CNTNAP2: variants seen among roughly 807,000 people sequenced by gnomAD.
The protein encoded by CNTNAP2 is contactin associated protein 2, also known as contactin-associated protein-like 2.
CNTNAP2 carries 98 observed loss-of-function variants against 155.2 expected under a neutral mutation model. That is an observed-to-expected ratio of 0.63 (90% CI 0.54 to 0.75). The LOEUF is 0.75. CNTNAP2 is among the 30% of genes least tolerant of loss of function. The probability of loss-of-function intolerance (pLI) is 0.00; values close to 1 mark genes in which losing one functional copy is unlikely to be tolerated. For synonymous variants in CNTNAP2, 651 were observed against 631.2 expected (o/e 1.03, Z -0.47); for missense variants, 1,727 against 1,688.1 (o/e 1.02, Z -0.40).
intron 1 of CNTNAP2, among the ~76,000 whole-genome samples, chr7:146,694,666 A>G (rs1800752685): frequency 6.6e-6 from 1 of 152,148 alleles, no homozygotes; most frequent in Non-Finnish European, 1.5e-5. Context: ...GATTGCATTC[A>G]GTCTATAGAT....
At chr7:146,399,726 A>T (rs552298844) in intron 1 of CNTNAP2, among the ~76,000 whole-genome samples, 22 of 152,142 alleles carry the variant, frequency 1.4e-4, no homozygotes, top group African/African-American at 5.1e-4. Context: ...TCTATTTTTA[A>T]TTTTTTATGA....
intron 13 of CNTNAP2, among the ~76,000 whole-genome samples, chr7:147,700,500 C>T (rs1796220674): frequency 6.6e-6 from 1 of 152,150 alleles, no homozygotes; most frequent in Non-Finnish European, 1.5e-5. Context: ...TTGTACTCAC[C>T]ATTTGCCACT....
At chr7:148,016,939 T>C (rs771168654) in intron 15 of CNTNAP2, among the ~76,000 whole-genome samples, 1 of 152,140 alleles carries the variant, frequency 6.6e-6, no homozygotes, top group Admixed American at 6.5e-5. Flanking sequence ...CCTCTCTCTC[T>C]AAAAATCTCA....
At position 148,247,642 on chromosome 7, in the gene CNTNAP2, TA is replaced by T. The variant is rs1796292925; in HGVS notation, c.3381+17864del. ...CTCTCTCTCTATTTATTTATTTATT[TA>T]TTTATTTATTTATTTATTTATTTTT... is the stretch of plus-strand genomic sequence containing the variant. On this transcript the variant is annotated intron_variant, in intron 20 of 23. Coordinates refer to ENST00000361727, the MANE Select transcript of CNTNAP2 (RefSeq NM_014141.6). Among the ~76,000 whole-genome samples the T allele has an allele frequency of 8.4e-5, 12 of 142,428 alleles. 1 individual carries two copies. Among genetic ancestry groups the T allele is most frequent in the African/African-American group, 3.4e-4 (12 of 35,250 alleles). 93.4% of individuals were successfully genotyped at this position (142,428 alleles called of 152,430 possible).
intron 8 of CNTNAP2, among the ~76,000 whole-genome samples, chr7:147,280,015 A>G (rs1318409677): frequency 1.3e-5 from 2 of 151,958 alleles, no homozygotes; most frequent in Non-Finnish European, 2.9e-5. Context: ...GTGATCTTAC[A>G]GTGACTTACA....
At chr7:147,222,480 A>G (rs1346717001) in intron 8 of CNTNAP2, among the ~76,000 whole-genome samples, 1 of 152,142 alleles carries the variant, frequency 6.6e-6, no homozygotes, top group African/African-American at 2.4e-5. Flanking sequence ...CTGTTCATGC[A>G]TGCTGTCACC....
At chr7:146,387,178 T>A (rs1210784442) in intron 1 of CNTNAP2, among the ~76,000 whole-genome samples, 1 of 152,230 alleles carries the variant, frequency 6.6e-6, no homozygotes, top group African/African-American at 2.4e-5. Flanking sequence ...AATGCCCATG[T>A]GTTTTTCTTA....
At chr7:147,975,063 T>C (rs1801404643) in intron 14 of CNTNAP2, among the ~76,000 whole-genome samples, 1 of 151,436 alleles carries the variant, frequency 6.6e-6, no homozygotes, top group African/African-American at 2.4e-5. Flanking sequence ...TAATACAATT[T>C]TTTGTATTAT....
intron 16 of CNTNAP2, among the ~76,000 whole-genome samples, chr7:148,144,931 C>A (rs1272925944): frequency 6.6e-6 from 1 of 152,114 alleles, no homozygotes; most frequent in Non-Finnish European, 1.5e-5. Context: ...CAAGAGCAAT[C>A]AGCCACAAAC....
chr7:148,412,093 C>G (rs1031632073), intron 23 of CNTNAP2, among the ~76,000 whole-genome samples: 2 of 141,268 alleles, frequency 1.4e-5, no homozygotes, highest in Admixed American at 1.4e-4. Flanking sequence ...CAGGCACGCA[C>G]CACCATGTCC....
At chr7:147,397,502 G>A (rs1796839046) in intron 10 of CNTNAP2, among the ~76,000 whole-genome samples, 1 of 151,822 alleles carries the variant, frequency 6.6e-6, no homozygotes, top group African/African-American at 2.4e-5. Context: ...AAAAGGGCTA[G>A]GTAATATGTT....
chr7:148,291,218 A>G (rs1039506195), intron 21 of CNTNAP2, among the ~76,000 whole-genome samples: 1 of 151,646 alleles, frequency 6.6e-6, no homozygotes, highest in Non-Finnish European at 1.5e-5. Flanking sequence ...AGTTCGCAGT[A>G]ATAAAAGAAG....
At chr7:148,255,032 G>A (rs898851171) in intron 20 of CNTNAP2, among the ~76,000 whole-genome samples, 2 of 152,080 alleles carry the variant, frequency 1.3e-5, no homozygotes, top group Non-Finnish European at 2.9e-5. Flanking sequence ...ATTATCTAAA[G>A]TACTCACTAT....
chr7:147,631,079 G>A (rs1247230687), intron 12 of CNTNAP2, among the ~76,000 whole-genome samples: 1 of 151,960 alleles, frequency 6.6e-6, no homozygotes, highest in Non-Finnish European at 1.5e-5. Context: ...AAACCCTAAA[G>A]ATTCATCCAA....
chr7:147,335,644 C>T (rs1478005079), intron 9 of CNTNAP2, among the ~76,000 whole-genome samples: 1 of 152,048 alleles, frequency 6.6e-6, no homozygotes, highest in Non-Finnish European at 1.5e-5. Context: ...GCGATCAAAG[C>T]CACCAAATGA....
intron 9 of CNTNAP2, among the ~76,000 whole-genome samples, chr7:147,349,024 G>T (rs1795926094): frequency 6.6e-6 from 1 of 151,874 alleles, no homozygotes; most frequent in South Asian, 2.1e-4. Context: ...TTTGCTAAAG[G>T]ATACAAAACT....
intron 1 of CNTNAP2, among the ~76,000 whole-genome samples, chr7:146,246,248 A>G (rs527540398): frequency 6.6e-6 from 1 of 150,720 alleles, no homozygotes; most frequent in South Asian, 2.1e-4. Context: ...GGGTAATACA[A>G]GAGGAGGACG....
chr7:146,317,622 C>T (rs79869016), intron 1 of CNTNAP2, among the ~76,000 whole-genome samples: 1 of 152,298 alleles, frequency 6.6e-6, no homozygotes, highest in East Asian at 1.9e-4. Flanking sequence ...GGTTTCTAAA[C>T]CTCTCCATTT....
chr7:147,066,907 G>A (rs959094493), intron 4 of CNTNAP2, among the ~76,000 whole-genome samples: 4 of 152,142 alleles, frequency 2.6e-5, no homozygotes, highest in African/African-American at 9.7e-5. Flanking sequence ...CATCGAGTTT[G>A]GGTGAAGGCC....
Sources: gnomAD v4.1 joint callset for allele counts (sites outside exome capture counted in the v4.1 genomes callset) on GRCh38, gnomAD v4.1.1 for gene constraint, MANE v1.5 for transcripts, NCBI Gene and HGNC (gene_info 2026-07-23, HGNC 2026-07-21) for gene names.